The following MOV10L1 variants were observed in gnomAD, a reference collection of about 807,000 sequenced individuals.
The protein encoded by MOV10L1 is Mov10 like RNA helicase 1.
Under a neutral mutation model 143.8 loss-of-function variants are expected in MOV10L1, and 110 were observed. That is an observed-to-expected ratio of 0.76 (90% CI 0.66 to 0.90). The LOEUF is 0.90. MOV10L1 is among the 40% of genes least tolerant of loss of function. MOV10L1 has a pLI of 0.00. For missense variants in MOV10L1, 1,406 were observed against 1,526.8 expected (o/e 0.92, Z 1.32); for synonymous variants, 593 against 581.1 (o/e 1.02, Z -0.29).
chr22:50,138,088 T>C (rs537983451), intron 15 of MOV10L1, among the ~76,000 whole-genome samples: 4 of 152,252 alleles, frequency 2.6e-5, no homozygotes, highest in African/African-American at 9.6e-5. Flanking sequence ...CATCCATTCC[T>C]GATCAAAATT....
At position 50,161,547 on chromosome 22, in the gene MOV10L1, G is replaced by T; in HGVS notation, c.*98G>T. ...TCCTGTGGCCTGCCCTTGTCTCGCAGCCAGGCAGGGTCGTGTGTGGGTGTG... is the reference window on the plus strand; with the variant it reads ...TCCTGTGGCCTGCCCTTGTCTCGCATCCAGGCAGGGTCGTGTGTGGGTGTG... On this transcript the variant is annotated 3_prime_UTR_variant, in exon 27 of 27. Transcript: ENST00000262794. The T allele has an allele frequency of 8.1e-7, 1 of 1,241,946 alleles. No homozygotes were observed. Among genetic ancestry groups the T allele is most frequent in the Non-Finnish European group, 1.1e-6 (1 of 895,232 alleles). The allele number at this position is 1,241,946 out of a possible 1,614,324, so 76.9% of individuals were successfully genotyped here. A position where few individuals can be genotyped will look rare whatever the true frequency, so the allele number is the denominator to read the frequency against.
At chr22:50,109,113 A>T (rs2061951832) in intron 5 of MOV10L1, among the ~76,000 whole-genome samples, 1 of 151,866 alleles carries the variant, frequency 6.6e-6, no homozygotes, top group Non-Finnish European at 1.5e-5. Flanking sequence ...CACTGCACTC[A>T]GGCCTGGGCG....
At chr22:50,141,493 T>G (rs2062985591) in intron 15 of MOV10L1, among the ~76,000 whole-genome samples, 1 of 139,410 alleles carries the variant, frequency 7.2e-6, no homozygotes, top group Non-Finnish European at 1.5e-5. Flanking sequence ...CATGCCCGGC[T>G]AATTTTTTTT....
chr22:50,161,176 C>A, intron 26 of MOV10L1, 121 bp downstream of exon 26: 1 of 1,147,898 alleles, frequency 8.7e-7, no homozygotes, highest in Non-Finnish European at 1.3e-6. Flanking sequence ...CCTCTGCCGG[C>A]CACCGTCCTC....
Position 50,134,588 on chromosome 22 carries a change from T to C in MOV10L1, c.2028T>C (p.His676=), listed in dbSNP as rs1330273512. The C allele has an allele frequency of 1.9e-6, 3 of 1,614,226 alleles. No individual in the cohort carries two copies. The highest frequency in any genetic ancestry group is 2.2e-5 in the East Asian group (1 of 44,888). Residue 676 remains histidine (H), a synonymous_variant, in exon 15 of 27, where the codon CAT becomes CAC. Coordinates refer to ENST00000262794, the MANE Select transcript of MOV10L1 (RefSeq NM_018995.3). ...CACAAGTGACGGGAAATTGGAACCATGCACAAGACACCAAAAGCAGTGGAC... is the reference window on the plus strand; with the variant it reads ...CACAAGTGACGGGAAATTGGAACCACGCACAAGACACCAAAAGCAGTGGAC... The part of the protein sequence containing the change: ...QSPQVTGNWN[H]AQDTKSSGQS...
chr22:50,143,993 C>G (rs1350118460), intron 17 of MOV10L1, 104 bp from the exon 18 acceptor site: 2 of 1,436,260 alleles, frequency 1.4e-6, no homozygotes, highest in Non-Finnish European at 1.9e-6. Flanking sequence ...TGAGCCCATG[C>G]AGCTGAGTCC....
chr22:50,126,512 C>T (rs540645195), intron 12 of MOV10L1, among the ~76,000 whole-genome samples: 1 of 152,288 alleles, frequency 6.6e-6, no homozygotes, highest in East Asian at 1.9e-4. Flanking sequence ...ATGAGGTTTG[C>T]GTTGAGTTGT....
At position 50,108,665 on chromosome 22, in the gene MOV10L1, C is replaced by T. The variant is rs1212242340; in HGVS notation, c.564C>T (p.Ile188=). 1.2e-6 allele frequency: 2 copies of T among 1,614,126 alleles called. No homozygotes were observed. The highest frequency in any genetic ancestry group is 1.1e-5 in the South Asian group (1 of 91,086). Residue 188 remains isoleucine (I), a synonymous_variant, in exon 5 of 27, where the codon ATC becomes ATT. Transcript: ENST00000262794. ...CAGCTCTCTGCTCCCAGGTCTGCAT[C>T]TCTAGCCTCTGTGGAAGGAACGGGG... ...LRYKRVDKVC[I]SSLCGRNGVL... is the part of the protein sequence containing the mutation.
chr22:50,149,763 T>G (rs1484063872), intron 20 of MOV10L1, 49 bp downstream of exon 20: 1 of 1,524,006 alleles, frequency 6.6e-7, no homozygotes, highest in South Asian at 1.2e-5. Context: ...CCCGTTCTCC[T>G]GAGGGGATGC....
rs749188742 is a variant in MOV10L1, at chr22:50,142,167, T to C, written c.2157T>C (p.Phe719=). 6.2e-7 allele frequency: 1 copy of C among 1,613,302 alleles called. No homozygotes were observed. The highest frequency in any genetic ancestry group is 1.7e-5 in the Admixed American group (1 of 59,952). The part of the protein sequence containing the change: ...GDKDLPVLAP[F]TAEMSDWVDE... The stretch of plus-strand genomic sequence containing the variant: ...AGGACCTGCCGGTGCTGGCACCCTT[T>C]ACTGCAGAGATGAGCGATTGGGGTA... Residue 719 remains phenylalanine, a synonymous_variant, in exon 16 of 27, where the codon TTT becomes TTC. Coordinates refer to ENST00000262794, the MANE Select transcript of MOV10L1 (RefSeq NM_018995.3).
intron 10 of MOV10L1, among the ~76,000 whole-genome samples, chr22:50,122,199 A>C (rs182964094): frequency 6.6e-6 from 1 of 152,342 alleles, no homozygotes; most frequent in Admixed American, 6.5e-5. Context: ...GAATGTGTTA[A>C]CATTTATTTA....
Position 50,125,313 on chromosome 22 carries a change from A to C in MOV10L1, c.1570-79A>C, listed in dbSNP as rs372026420. 3.2e-5 allele frequency: 46 copies of C among 1,427,066 alleles called. No homozygotes were observed. In the African/African-American group the frequency reaches 6.1e-4, roughly 19 times the overall value. 88.4% of individuals were successfully genotyped at this position (1,427,066 alleles called of 1,614,324 possible). On this transcript the variant is annotated intron_variant, in intron 10 of 26. Coordinates refer to ENST00000262794, the MANE Select transcript of MOV10L1 (RefSeq NM_018995.3). ...CATCTGCTGAACTGGAGCTGTTGGA[A>C]CTTTCCTGCTCCGGAGCTGCTACTT...
chr22:50,156,363 A>T (rs2063428813), intron 22 of MOV10L1, among the ~76,000 whole-genome samples: 1 of 151,724 alleles, frequency 6.6e-6, no homozygotes, highest in South Asian at 2.1e-4. Context: ...TGATCTGCCC[A>T]CCTCGGCCTC....
At position 50,145,859 on chromosome 22, in the gene MOV10L1, C is replaced by A; in HGVS notation, c.2627+49C>A. The A allele has an allele frequency of 1.9e-6, 3 of 1,608,180 alleles. No homozygotes were observed. In the South Asian group the frequency reaches 3.3e-5, roughly 18 times the overall value. On this transcript the variant is annotated intron_variant, in intron 19 of 26. Transcript: ENST00000262794. ...GCATGGGGCCTCCCAGGGCAGAGGTCGGAGTCCTCTCCTAGCTTCTGTCTG... is the reference window on the plus strand; with the variant it reads ...GCATGGGGCCTCCCAGGGCAGAGGTAGGAGTCCTCTCCTAGCTTCTGTCTG...
In MOV10L1 at chr22:50,113,806, A is replaced by G. The variant is rs1290116161; in HGVS notation, c.884+18A>G. 6.4e-7 allele frequency: 1 copy of G among 1,567,894 alleles called. No individual in the cohort carries two copies. Among genetic ancestry groups the G allele is most frequent in the South Asian group, 1.2e-5 (1 of 84,344 alleles). Reference sequence around the variant, plus strand: ...TGGATAGAGTGAGTTTGCCACTGAAACATTTTCTATAAAGCTACATTAATG... The same window carrying G: ...TGGATAGAGTGAGTTTGCCACTGAAGCATTTTCTATAAAGCTACATTAATG... On this transcript the variant is annotated intron_variant, in intron 6 of 26. Coordinates refer to ENST00000262794, the MANE Select transcript of MOV10L1 (RefSeq NM_018995.3).
rs922248344 is a variant in MOV10L1, at chr22:50,142,247, G to A, written c.2179+58G>A. Reference sequence around the variant, plus strand: ...ACTCTGAGACTGTCGCCTGGAAAACGGGGACTTTGAGGAGTGGGCTCTCAT... The same window carrying A: ...ACTCTGAGACTGTCGCCTGGAAAACAGGGACTTTGAGGAGTGGGCTCTCAT... On this transcript the variant is annotated intron_variant, in intron 16 of 26. Coordinates refer to ENST00000262794, the MANE Select transcript of MOV10L1 (RefSeq NM_018995.3). 16 of 1,450,720 alleles carry A rather than the reference G, an allele frequency of 1.1e-5. 1 individual carries two copies. The East Asian group carries it at 1.9e-4, about 17-fold the overall frequency. 89.9% of individuals were successfully genotyped at this position (1,450,720 alleles called of 1,614,324 possible).
At chr22:50,119,898 C>T (rs1452040655) in intron 9 of MOV10L1, among the ~76,000 whole-genome samples, 1 of 151,972 alleles carries the variant, frequency 6.6e-6, no homozygotes, top group East Asian at 1.9e-4. Context: ...GTTTTATCGA[C>T]CTCACTCTGA....
Position 50,158,083 on chromosome 22 carries a change from C to T in MOV10L1, c.3093C>T (p.Ser1031=), listed in dbSNP as rs775916245. ...GCAGCGAGGCACGGGAGGGAAAAAG[C>T]CCATCGTGGTTCAACCCGGCCGAGG... is the stretch of plus-strand genomic sequence containing the variant. ...VRGSEAREGK[S]PSWFNPAEAV... Residue 1031 remains serine, a synonymous_variant, in exon 23 of 27, where the codon AGC becomes AGT. Transcript: ENST00000262794. The surrounding 1 kb of genome is among the most constrained non-coding windows in gnomAD (Gnocchi z 5.0). 6.2e-7 allele frequency: 1 copy of T among 1,614,066 alleles called. No homozygotes were observed. The highest frequency in any genetic ancestry group is 1.1e-5 in the South Asian group (1 of 91,074).
chr22:50,151,841 A>G (rs1199990529), intron 21 of MOV10L1, among the ~76,000 whole-genome samples: 1 of 152,232 alleles, frequency 6.6e-6, no homozygotes, highest in Non-Finnish European at 1.5e-5. Flanking sequence ...GGCCACAGGT[A>G]CAGAAAGACC....
Sources: gnomAD v4.1 joint callset for allele counts (sites outside exome capture counted in the v4.1 genomes callset) on GRCh38, gnomAD v4.1.1 for gene constraint, Gnocchi (gnomAD v3.1) non-coding constraint, MANE v1.5 for transcripts, NCBI Gene and HGNC (gene_info 2026-07-23, HGNC 2026-07-21) for gene names.